CFHR5: variants seen among roughly 807,000 people sequenced by gnomAD.
CFHR5 encodes the protein complement factor H-related protein 5.
In CFHR5, 73 loss-of-function variants were observed where a neutral mutation model predicts 62.9. The observed-to-expected ratio is 1.16, with a 90% CI of 0.96 to 1.41. The LOEUF is 1.41. CFHR5 is among the 40% of genes most tolerant of loss of function. The pLI is 0.00. For missense variants in CFHR5, 779 were observed against 679.9 expected (o/e 1.15, Z -1.62); for synonymous variants, 249 against 227.2 (o/e 1.10, Z -0.86).
intron 9 of CFHR5, among the ~76,000 whole-genome samples, chr1:197,005,437 C>T (rs904316418): frequency 6.6e-6 from 1 of 151,984 alleles, no homozygotes; most frequent in Non-Finnish European, 1.5e-5. Context: ...TAAGTTTCCA[C>T]AAATTCATGT....
chr1:196,996,028 T>C lies in CFHR5; in HGVS notation c.797T>C (p.Val266Ala), dbSNP rs1653981502. ...WTTLPTCVEQ[V>A]KTCGYIPELE... is the part of the protein sequence containing the mutation. ...TTTTATTACATTTTCTTAGAACAAG[T>C]GAAAACATGTGGATACATACCTGAA... is the stretch of plus-strand genomic sequence containing the variant. The change falls in exon 6 of 10, where the codon GTG (valine) becomes GCG (alanine). Residue 266 changes from valine (V) to alanine (A), a missense_variant. Coordinates refer to ENST00000256785, the MANE Select transcript of CFHR5 (RefSeq NM_030787.4). 6.2e-7 allele frequency: 1 copy of C among 1,613,746 alleles called. No individual in the cohort carries two copies. Among genetic ancestry groups the C allele is most frequent in the Non-Finnish European group, 8.5e-7 (1 of 1,179,716 alleles).
intron 4 of CFHR5, 113 bp downstream of exon 4, chr1:196,994,369 C>G: frequency 2.2e-6 from 2 of 891,112 alleles, no homozygotes; most frequent in Non-Finnish European, 3.6e-6. Flanking sequence ...GGTAAAATGG[C>G]AAAGGAGAAA....
intron 3 of CFHR5, among the ~76,000 whole-genome samples, chr1:196,992,537 G>A (rs1653875542): frequency 2.0e-5 from 3 of 152,092 alleles, no homozygotes; most frequent in Admixed American, 6.6e-5. Context: ...TGCACCCGCT[G>A]TCCAACCAGT....
In CFHR5 at chr1:197,008,562, A is replaced by C. The variant is rs780221023; in HGVS notation, c.1589A>C (p.Tyr530Ser). 12 of 1,613,676 alleles carry C rather than the reference A, an allele frequency of 7.4e-6. No individual in the cohort carries two copies. The highest frequency in any genetic ancestry group is 1.0e-5 in the Non-Finnish European group (12 of 1,179,648). The change falls in exon 10 of 10, where the codon TAT (tyrosine) becomes TCT (serine). Residue 530 changes from tyrosine to serine, a missense_variant. Tyr to Ser is a moderately radical substitution (Grantham distance 144, BLOSUM62 -2). Coordinates refer to ENST00000256785, the MANE Select transcript of CFHR5 (RefSeq NM_030787.4). ...AAATGGAGAAACGATGGAAAACTCT[A>C]TGCAAAAACAGGGGATGCTGTTGAA... ...QLKWRNDGKL[Y>S]AKTGDAVEFQ...
upstream of CFHR5, among the ~76,000 whole-genome samples, chr1:196,977,053 C>T (rs1280314370): frequency 1.3e-5 from 2 of 151,738 alleles, no homozygotes; most frequent in African/African-American, 2.4e-5. Flanking sequence ...GTGATCCACC[C>T]GCCTCGGCCT....
At chr1:196,975,604 T>A (rs191030562), upstream of CFHR5, among the ~76,000 whole-genome samples, 1 of 152,152 alleles carries the variant, frequency 6.6e-6, no homozygotes, top group African/African-American at 2.4e-5. Flanking sequence ...TTTCTTCTGA[T>A]TGATTCTATA....
chr1:196,978,490 T>C (rs1248381261), intron 1 of CFHR5, among the ~76,000 whole-genome samples: 1 of 152,160 alleles, frequency 6.6e-6, no homozygotes, highest in Non-Finnish European at 1.5e-5. Context: ...TATATACTCT[T>C]TGATTTCCAG....
intron 7 of CFHR5, among the ~76,000 whole-genome samples, chr1:197,001,584 G>A (rs1421302203): frequency 6.6e-6 from 1 of 151,458 alleles, no homozygotes; most frequent in Admixed American, 6.6e-5. Context: ...TAAGTTTTAG[G>A]GTACATGTGC....
chr1:196,983,763 G>A (rs561855343), intron 2 of CFHR5, among the ~76,000 whole-genome samples, 198 bp from the exon 3 acceptor site: 138 of 152,096 alleles, frequency 9.1e-4, no homozygotes, highest in Non-Finnish European at 1.5e-3. Flanking sequence ...GCAACAACAT[G>A]AAATATTAAC....
chr1:196,994,381 G>A (rs1039585812), intron 4 of CFHR5, 125 bp downstream of exon 4: 3 of 785,666 alleles, frequency 3.8e-6, no homozygotes, highest in African/African-American at 3.5e-5. Context: ...AAGGAGAAAG[G>A]ATGCAGTTCT....
intron 9 of CFHR5, among the ~76,000 whole-genome samples, chr1:197,007,769 ATGT>A (rs961400004): frequency 5.2e-4 from 76 of 147,412 alleles, no homozygotes; most frequent in Middle Eastern, 3.4e-3. Context: ...TACATATAAT[ATGT>A]TATGTATAAT....
chr1:197,006,906 G>A (rs529668917), intron 9 of CFHR5, among the ~76,000 whole-genome samples: 4 of 149,780 alleles, frequency 2.7e-5, no homozygotes, highest in Admixed American at 6.7e-5. Flanking sequence ...GCGTGATCTC[G>A]GCTCATTGCA....
intron 1 of CFHR5, among the ~76,000 whole-genome samples, chr1:196,981,889 C>A (rs1415306208): frequency 6.6e-6 from 1 of 151,166 alleles, no homozygotes. Flanking sequence ...GTTTTATTAT[C>A]TTTTTATTGT....
At position 196,984,058 on chromosome 1, in the gene CFHR5, A is replaced by G; in HGVS notation, c.351A>G (p.Gly117=). 6.2e-7 allele frequency: 1 copy of G among 1,613,728 alleles called. No individual in the cohort carries two copies. Among genetic ancestry groups the G allele is most frequent in the African/African-American group, 1.3e-5 (1 of 75,044 alleles). Residue 117 remains glycine, a synonymous_variant, in exon 3 of 10, where the codon GGA becomes GGG. Coordinates refer to ENST00000256785, the MANE Select transcript of CFHR5 (RefSeq NM_030787.4). ...GDTVQIICNT[G]YSLQNNEKNI... ...CTGTACAAATTATTTGCAACACAGG[A>G]TACAGCCTTCAAAACAATGAGAAAA...
chr1:197,004,201 T>C (rs1453521838), intron 8 of CFHR5, among the ~76,000 whole-genome samples: 1 of 152,170 alleles, frequency 6.6e-6, no homozygotes, highest in African/African-American at 2.4e-5. Flanking sequence ...GAAAGATGCC[T>C]ACAATATTAT....
intron 8 of CFHR5, among the ~76,000 whole-genome samples, chr1:197,003,329 ACTGGT>A (rs1447350658): frequency 6.6e-6 from 1 of 152,088 alleles, no homozygotes; most frequent in Non-Finnish European, 1.5e-5. Flanking sequence ...CACAGAGGGT[ACTGGT>A]CTGCAGCCAG....
chr1:196,991,046 G>C (rs180702046), intron 3 of CFHR5, among the ~76,000 whole-genome samples: 1 of 151,658 alleles, frequency 6.6e-6, no homozygotes, highest in East Asian at 1.9e-4. Context: ...CATATTTCTC[G>C]GAGGCTTTGT....
At chr1:196,997,125 T>C (rs986116820) in intron 6 of CFHR5, among the ~76,000 whole-genome samples, 12 of 152,106 alleles carry the variant, frequency 7.9e-5, no homozygotes, top group African/African-American at 2.7e-4. Flanking sequence ...GAACCGCCTC[T>C]CTCTCCATCT....
At chr1:196,994,910 C>A (rs1653948729) in intron 4 of CFHR5, among the ~76,000 whole-genome samples, 1 of 152,014 alleles carries the variant, frequency 6.6e-6, no homozygotes, top group Admixed American at 6.6e-5. Flanking sequence ...ATAAAACCAT[C>A]AGAGCTCGTG....
Sources: allele counts gnomAD v4.1 joint callset (sites outside exome capture counted in the v4.1 genomes callset), GRCh38; gene constraint gnomAD v4.1.1; transcripts MANE v1.5; gene names NCBI Gene and HGNC (gene_info 2026-07-23, HGNC 2026-07-21).